Variants in ANK2 observed in about 807,000 individuals in gnomAD.
ANK2 encodes ankyrin 2, also known as ankyrin-2.
In ANK2, 83 loss-of-function variants were observed where a neutral mutation model predicts 360.5. The ratio of observed to expected loss-of-function variants is 0.23; its 90% CI spans 0.19 to 0.28. ANK2 has a LOEUF of 0.28. Ranked by LOEUF, ANK2 falls within the 10% of genes least tolerant of loss-of-function variation. The pLI is 1.00. For missense variants in ANK2, 4,201 were observed against 4,795.7 expected, an observed-to-expected ratio of 0.88 and a Z score of 3.66; for synonymous variants, 1,740 against 1,759.5, an observed-to-expected ratio of 0.99 and a Z score of 0.28.
the ANK2 span, among the ~76,000 whole-genome samples, chr4:112,799,443 T>C: frequency 6.6e-6 from 1 of 152,178 alleles, no homozygotes; most frequent in African/African-American, 2.4e-5. Flanking sequence ...ACCAGCAGTT[T>C]ACAAGAGTTC....
chr4:112,881,967 C>CCAGAGCCCCCGGA, intron 1 of ANK2: 1 of 613,468 alleles, frequency 1.6e-6, no homozygotes, highest in Non-Finnish European at 3.0e-6. Flanking sequence ...CAGTGGCATA[C>CCAGAGCCCCCGGA]GTGACAAACC....
intron 2 of ANK2, among the ~76,000 whole-genome samples, chr4:113,011,677 A>G (rs1429725402): frequency 6.6e-6 from 1 of 152,120 alleles, no homozygotes; most frequent in Non-Finnish European, 1.5e-5. Flanking sequence ...TCCTTCTGGT[A>G]TAGAGAGGAC....
chr4:113,056,676 C>T (rs890500028), intron 1 of ANK2, among the ~76,000 whole-genome samples: 3 of 152,034 alleles, frequency 2.0e-5, no homozygotes, highest in Admixed American at 6.6e-5. Context: ...TTTATGTACT[C>T]GAGACCAAAT....
At chr4:112,883,082 A>G (rs1383972472) in intron 1 of ANK2, among the ~76,000 whole-genome samples, 2 of 111,908 alleles carry the variant, frequency 1.8e-5, no homozygotes, top group African/African-American at 3.5e-5. Flanking sequence ...TCTTTTGCCC[A>G]GGCTGGAGTG....
intron 2 of ANK2, among the ~76,000 whole-genome samples, chr4:112,941,662 T>A (rs1032100551): frequency 6.9e-6 from 1 of 145,784 alleles, no homozygotes; most frequent in African/African-American, 2.5e-5. Flanking sequence ...TAGATATATA[T>A]AAATATATAT....
At chr4:112,724,994 A>T in the ANK2 span, among the ~76,000 whole-genome samples, 1 of 152,162 alleles carries the variant, frequency 6.6e-6, no homozygotes, top group Admixed American at 6.5e-5. Flanking sequence ...AAGGAAACAC[A>T]TTCAGCCGGG....
chr4:113,194,013 A>G (rs954207582), intron 2 of ANK2, among the ~76,000 whole-genome samples: 59 of 152,186 alleles, frequency 3.9e-4, no homozygotes, highest in Non-Finnish European at 7.1e-4. Flanking sequence ...TTGACAATAT[A>G]TGCTACTGTG....
chr4:113,151,208 A>C, intron 1 of ANK2: 1 of 1,142,850 alleles, frequency 8.8e-7, no homozygotes, highest in Non-Finnish European at 1.2e-6. Context: ...TGCTCAAAAA[A>C]GGAATGTACC....
At chr4:113,381,213 A>AT (rs1456161944) in intron 45 of ANK2, among the ~76,000 whole-genome samples, 1 of 152,006 alleles carries the variant, frequency 6.6e-6, no homozygotes, top group African/African-American at 2.4e-5. Flanking sequence ...TTTCTTAAAG[A>AT]TTTAAAAAAT....
upstream of ANK2, among the ~76,000 whole-genome samples, chr4:113,046,951 C>T (rs989670998): frequency 4.6e-5 from 7 of 152,162 alleles, no homozygotes; most frequent in Admixed American, 3.3e-4. Context: ...GAGGTGATGT[C>T]CAAGCAATGA....
intron 2 of ANK2, among the ~76,000 whole-genome samples, chr4:113,186,856 G>C (rs987053878): frequency 6.6e-6 from 1 of 152,178 alleles, no homozygotes; most frequent in African/African-American, 2.4e-5. Context: ...CAGAGCAACT[G>C]TCTGTGAATG....
At chr4:113,307,561 C>G (rs2077841910) in intron 23 of ANK2, among the ~76,000 whole-genome samples, 1 of 151,980 alleles carries the variant, frequency 6.6e-6, no homozygotes, top group East Asian at 1.9e-4. Context: ...GTGTATGCCA[C>G]CATGCTAATT....
intron 26 of ANK2, 133 bp from the exon 27 acceptor site, chr4:113,330,113 G>A (rs945870400): frequency 3.6e-6 from 3 of 823,894 alleles, no homozygotes; most frequent in Non-Finnish European, 5.7e-6. Context: ...TTAAAAACAA[G>A]CATTTTACCA....
chr4:113,321,116 A>G (rs920553890), intron 26 of ANK2, among the ~76,000 whole-genome samples: 2 of 152,254 alleles, frequency 1.3e-5, no homozygotes, highest in South Asian at 4.1e-4. Context: ...CGTATGTGAC[A>G]TCAGGCACAG....
Position 113,264,885 on chromosome 4 carries a change from G to C in ANK2, c.1387-12G>C. 1 of 1,556,196 alleles carries C rather than the reference G, an allele frequency of 6.4e-7. No homozygotes were observed. Among genetic ancestry groups the C allele is most frequent in the Non-Finnish European group, 8.7e-7 (1 of 1,149,162 alleles). ...GTTAATTTATGATTTGACGATCTTT[G>C]TTCCCTGGCAGCGTGGTGAGACGGC... is the stretch of plus-strand genomic sequence containing the variant. On this transcript the variant is annotated splice_polypyrimidine_tract_variant and intron_variant, in intron 13 of 45. Transcript: ENST00000357077.
chr4:113,118,988 T>G (rs542530840), intron 1 of ANK2, among the ~76,000 whole-genome samples: 1 of 152,316 alleles, frequency 6.6e-6, no homozygotes, highest in South Asian at 2.1e-4. Flanking sequence ...TGAATGTTTT[T>G]CCCTTTCCAA....
intron 2 of ANK2, among the ~76,000 whole-genome samples, chr4:113,012,393 C>T (rs763498785): frequency 5.9e-5 from 9 of 152,140 alleles, no homozygotes; most frequent in Non-Finnish European, 1.3e-4. Context: ...CACAGCTTAT[C>T]CTGTTGAGAA....
chr4:113,060,858 G>A (rs989739320), intron 1 of ANK2, among the ~76,000 whole-genome samples: 1 of 151,960 alleles, frequency 6.6e-6, no homozygotes, highest in Admixed American at 6.6e-5. Flanking sequence ...TTTATAGTTG[G>A]TATTTCCATC....
At chr4:113,279,132 A>G (rs1252749305) in intron 17 of ANK2, among the ~76,000 whole-genome samples, 1 of 152,158 alleles carries the variant, frequency 6.6e-6, no homozygotes, top group East Asian at 1.9e-4. Flanking sequence ...ATTTCCCACC[A>G]TTCTAGTTGG....
Sources: gnomAD v4.1 joint callset for allele counts (sites outside exome capture counted in the v4.1 genomes callset) on GRCh38, gnomAD v4.1.1 for gene constraint, MANE v1.5 for transcripts, NCBI Gene and HGNC (gene_info 2026-07-23, HGNC 2026-07-21) for gene names.